PIGR: variants seen among roughly 807,000 people sequenced by gnomAD.
PIGR encodes hepatocellular carcinoma associated protein TB6.
Under a neutral mutation model 69.5 loss-of-function variants are expected in PIGR, and 22 were observed. That is an observed-to-expected ratio of 0.32 (90% CI 0.23 to 0.45). PIGR has a LOEUF of 0.45. PIGR is among the 20% of genes least tolerant of loss of function. PIGR has a pLI of 1.00. For synonymous variants in PIGR, 413 were observed against 407.6 expected (o/e 1.01, Z -0.16); for missense variants, 885 against 974.0 (o/e 0.91, Z 1.22).
At chr1:206,939,830 G>A (rs1400260785) in intron 2 of PIGR, among the ~76,000 whole-genome samples, 2 of 152,148 alleles carry the variant, frequency 1.3e-5, no homozygotes, top group East Asian at 3.8e-4. Context: ...AGGTTCAAGC[G>A]ATTCTCATGC....
rs142697412 is a variant in PIGR at position 206,937,199 on chromosome 1, C to G, written c.941G>C (p.Gly314Ala). 5.6e-6 allele frequency: 9 copies of G among 1,614,210 alleles called. No individual in the cohort carries two copies. In the Admixed American group the frequency reaches 1.5e-4, roughly 27 times the overall value. ...GCGCCCTGCATCCTCCTTCCTCAGG[C>G]CTGTGATCACCACACTGAATGAGCC... ...KDGSFSVVITGLRKEDAGRYL... is the reference protein window; with the variant it reads ...KDGSFSVVITALRKEDAGRYL... Residue 314 changes from glycine (G) to alanine (A), a missense_variant, in exon 4 of 11, where the codon GGC becomes GCC. Gly to Ala is a moderately conservative substitution (Grantham distance 60). Transcript: ENST00000356495.
chr1:206,932,274 C>T (rs1430257815), intron 8 of PIGR, among the ~76,000 whole-genome samples, 182 bp downstream of exon 8: 1 of 152,184 alleles, frequency 6.6e-6, no homozygotes, highest in African/African-American at 2.4e-5. Flanking sequence ...AGTATTTGGA[C>T]AGCAGCTCTG....
rs559564473 is a variant in PIGR at position 206,930,812 on chromosome 1, G to T, written c.2200-399C>A. ...TGGCACCACAAAGTTAAAGGGGAAG[G>T]CTGTCCCAGGAATAACTCGTTCTAA... On this transcript the variant is annotated intron_variant, in intron 10 of 10. Coordinates refer to ENST00000356495, the MANE Select transcript of PIGR (RefSeq NM_002644.4). This position sits in a 1 kb window ranked among gnomAD's most constrained non-coding sequence, Gnocchi z 4.3. 1 of 985,264 alleles carries T rather than the reference G, an allele frequency of 1.0e-6. No individual in the cohort carries two copies. Among genetic ancestry groups the T allele is most frequent in the African/African-American group, 1.7e-5 (1 of 57,208 alleles). 61.0% of individuals were successfully genotyped at this position (985,264 alleles called of 1,614,324 possible).
chr1:206,942,049 T>A (rs1679998634), intron 1 of PIGR, among the ~76,000 whole-genome samples: 1 of 152,206 alleles, frequency 6.6e-6, no homozygotes, highest in African/African-American at 2.4e-5. Flanking sequence ...ATCTTGGTTA[T>A]TTCTTTGTTG....
chr1:206,944,946 T>C (rs1192140266), intron 1 of PIGR, among the ~76,000 whole-genome samples: 1 of 152,122 alleles, frequency 6.6e-6, no homozygotes, highest in East Asian at 1.9e-4. Context: ...ACCTCCTCGT[T>C]GGTATCAAGG....
In PIGR at chr1:206,935,694, G is replaced by T; in HGVS notation, c.1170C>A (p.Ala390=). Residue 390 remains alanine, a synonymous_variant, in exon 5 of 11, where the codon GCC becomes GCA. Transcript: ENST00000356495. This position sits in a 1 kb window ranked among gnomAD's most constrained non-coding sequence, Gnocchi z 4.4. ...CCAGCAGGGGGCAGCGGCCATTCTG[G>T]GCCCCTTCCCAGAGACACCAGTACT... ...SIKYWCLWEG[A]QNGRCPLLVD... is the part of the protein sequence containing the mutation. The T allele has an allele frequency of 6.2e-7, 1 of 1,613,994 alleles. No homozygotes were observed. The highest frequency in any genetic ancestry group is 1.3e-5 in the African/African-American group (1 of 75,026).
At position 206,939,106 on chromosome 1, in the gene PIGR, C is replaced by G. The variant is rs749843837; in HGVS notation, c.388+13G>C. ...AACTTTCCCCCAGAAGCCCAAGGAG[C>G]TTGGATCCTTACCCTGGCTGACCTC... On this transcript the variant is annotated intron_variant, in intron 3 of 10. Coordinates refer to ENST00000356495, the MANE Select transcript of PIGR (RefSeq NM_002644.4). 1 of 1,593,646 alleles carries G rather than the reference C, an allele frequency of 6.3e-7. No individual in the cohort carries two copies. The highest frequency in any genetic ancestry group is 8.6e-7 in the Non-Finnish European group (1 of 1,165,466).
Position 206,929,045 on chromosome 1 carries a change from CAACATGGCG to C in PIGR, c.*1264_*1272del, listed in dbSNP as rs1303098683. 10 of 125,162 alleles carry C rather than the reference CAACATGGCG, an allele frequency of 8.0e-5. No homozygotes were observed. The highest frequency in any genetic ancestry group is 3.1e-5 in the African/African-American group (1 of 32,180). 7.8% of individuals were successfully genotyped at this position (125,162 alleles called of 1,614,324 possible). ...GCCAGGAGTTCGAGACCAGTCTCGTCAACATGGCGAAACCCTGTCTCTACAAAAAAAAAA... is the reference window on the plus strand; with the variant it reads ...GCCAGGAGTTCGAGACCAGTCTCGTCAAACCCTGTCTCTACAAAAAAAAAA... On this transcript the variant is annotated 3_prime_UTR_variant, in exon 11 of 11. Transcript: ENST00000356495.
At position 206,940,543 on chromosome 1, in the gene PIGR, C is replaced by T. The variant is rs564790265; in HGVS notation, c.-12G>A. On this transcript the variant is annotated 5_prime_UTR_variant, in exon 2 of 11. Transcript: ENST00000356495. ...ACGAAGAGCAGCATTGCTGGTGGGT[C>T]CCGAGCGCCGCACCACTCAGGCCGA... The T allele has an allele frequency of 1.3e-6, 2 of 1,551,088 alleles. No homozygotes were observed. The highest frequency in any genetic ancestry group is 1.4e-5 in the African/African-American group (1 of 73,150).
At position 206,930,038 on chromosome 1, in the gene PIGR, A is replaced by G; in HGVS notation, c.*280T>C. On this transcript the variant is annotated 3_prime_UTR_variant, in exon 11 of 11. Coordinates refer to ENST00000356495, the MANE Select transcript of PIGR (RefSeq NM_002644.4). The surrounding 1 kb of genome is among the most constrained non-coding windows in gnomAD (Gnocchi z 4.3). ...TCCCACCCTGGTCCCTCTTCCTTCA[A>G]GGGACCCATGAGGACCTCTATTCTT... 1 of 347,334 alleles carries G rather than the reference A, an allele frequency of 2.9e-6. No individual in the cohort carries two copies. 21.5% of individuals were successfully genotyped at this position (347,334 alleles called of 1,614,324 possible).
Position 206,930,327 on chromosome 1 carries a change from C to T in PIGR, c.2286G>A (p.Gln762=). ...TVAAEAQDGP[Q]EA is the part of the protein sequence containing the mutation. ...CAGGCGGCGACACCGTCTAGGCTTC[C>T]TGGGGGCCGTCCTGGGCCTCGGCGG... The change falls in exon 11 of 11, where the codon CAG becomes CAA. Residue 762 remains glutamine (Q), a synonymous_variant. Coordinates refer to ENST00000356495, the MANE Select transcript of PIGR (RefSeq NM_002644.4). The surrounding 1 kb of genome is among the most constrained non-coding windows in gnomAD (Gnocchi z 4.3). 1.2e-6 allele frequency: 2 copies of T among 1,611,208 alleles called. No homozygotes were observed. Among genetic ancestry groups the T allele is most frequent in the Admixed American group, 1.7e-5 (1 of 59,668 alleles).
At chr1:206,934,937 C>T (rs1272348751) in intron 5 of PIGR, among the ~76,000 whole-genome samples, 191 bp from the exon 6 acceptor site, 1 of 152,166 alleles carries the variant, frequency 6.6e-6, no homozygotes, top group Non-Finnish European at 1.5e-5. Context: ...TAGCTCACTG[C>T]AGCCTCCATC....
chr1:206,934,861 T>A (rs1454605664), intron 5 of PIGR, 115 bp from the exon 6 acceptor site: 30 of 588,424 alleles, frequency 5.1e-5, no homozygotes, highest in South Asian at 3.5e-4. Flanking sequence ...ATATATATAT[T>A]TTTGTTTTTG....
chr1:206,944,390 T>G (rs1170185765), intron 1 of PIGR, among the ~76,000 whole-genome samples: 1 of 152,084 alleles, frequency 6.6e-6, no homozygotes, highest in African/African-American at 2.4e-5. Context: ...GGAGAATCGC[T>G]GGAACCCAGG....
Position 206,937,396 on chromosome 1 carries a change from G to A in PIGR, c.744C>T (p.Asp248=), listed in dbSNP as rs150466415. 5.7e-5 allele frequency: 92 copies of A among 1,613,956 alleles called. No individual in the cohort carries two copies. Among genetic ancestry groups the A allele is most frequent in the Non-Finnish European group, 7.6e-5 (90 of 1,179,970 alleles). The change falls in exon 4 of 11, where the codon GAC becomes GAT. Residue 248 remains aspartate, a synonymous_variant. Coordinates refer to ENST00000356495, the MANE Select transcript of PIGR (RefSeq NM_002644.4). ...LKPEPELVYE[D]LRGSVTFHCA... ...AGTGGAAGGTCACTGAGCCCCTCAG[G>A]TCTTCATAAACCAGCTCGGGCTCGG...
At chr1:206,931,595 C>T (rs1679751884) in intron 9 of PIGR, 40 bp from the exon 10 acceptor site, 2 of 1,613,884 alleles carry the variant, frequency 1.2e-6, no homozygotes, top group Non-Finnish European at 1.7e-6. Context: ...TTACTAGCCT[C>T]CTTTTCCCAA....
chr1:206,931,476 G>A (rs1428312280), intron 10 of PIGR, 21 bp downstream of exon 10: 8 of 1,613,842 alleles, frequency 5.0e-6, no homozygotes, highest in Non-Finnish European at 5.9e-6. Flanking sequence ...CATGTAGTGG[G>A]GCTTCCTTCT....
At position 206,935,947 on chromosome 1, in the gene PIGR, C is replaced by T; in HGVS notation, c.1046-129G>A. The T allele has an allele frequency of 1.5e-6, 1 of 646,488 alleles. No homozygotes were observed. Among genetic ancestry groups the T allele is most frequent in the Non-Finnish European group, 2.7e-6 (1 of 376,458 alleles). The allele number at this position is 646,488 out of a possible 1,614,324, so 40.0% of individuals were successfully genotyped here. On this transcript the variant is annotated intron_variant, in intron 4 of 10. Transcript: ENST00000356495. This position sits in a 1 kb window ranked among gnomAD's most constrained non-coding sequence, Gnocchi z 4.4. ...AAGTTTACACGCATCACCTTACCCT[C>T]TTCAGAAAATGAAAAGGAGCTTTCC...
At chr1:206,945,204 G>A (rs1014906409) in intron 1 of PIGR, among the ~76,000 whole-genome samples, 7 of 152,188 alleles carry the variant, frequency 4.6e-5, no homozygotes, top group Non-Finnish European at 1.0e-4. Context: ...GCACCAGACA[G>A]CTGCCTTCTA....
Sources: allele counts gnomAD v4.1 joint callset (sites outside exome capture counted in the v4.1 genomes callset), GRCh38; gene constraint gnomAD v4.1.1; non-coding constraint Gnocchi (gnomAD v3.1); transcripts MANE v1.5; gene names NCBI Gene and HGNC (gene_info 2026-07-23, HGNC 2026-07-21).